The following WWOX variants were observed in gnomAD, a reference collection of about 807,000 sequenced individuals.
WWOX encodes WW domain containing oxidoreductase.
Under a neutral mutation model 46.2 loss-of-function variants are expected in WWOX, and 69 were observed. That is an observed-to-expected ratio of 1.49 (90% CI 1.23 to 1.82). WWOX has a LOEUF of 1.82. Ranked by LOEUF, WWOX falls within the 40% of genes most tolerant of loss-of-function variation. The pLI is 0.00. For missense variants in WWOX, 919 were observed against 542.6 expected, an observed-to-expected ratio of 1.69 and a Z score of -6.89; for synonymous variants, 359 against 202.6, an observed-to-expected ratio of 1.77 and a Z score of -6.56.
intron 8 of WWOX, among the ~76,000 whole-genome samples, chr16:79,005,471 A>C (rs532519273): frequency 1.3e-5 from 2 of 152,140 alleles, no homozygotes; most frequent in Non-Finnish European, 2.9e-5. Context: ...TGGAGGCTCA[A>C]ATTTGCAAGT....
chr16:78,644,747 G>A (rs1488224247), intron 8 of WWOX, among the ~76,000 whole-genome samples: 1 of 152,202 alleles, frequency 6.6e-6, no homozygotes, highest in African/African-American at 2.4e-5. Flanking sequence ...ACAGGCGTGA[G>A]CCACTGTGCC....
intron 4 of WWOX, 138 bp from the exon 5 acceptor site, chr16:78,164,045 C>T (rs2034885329): frequency 1.2e-6 from 1 of 804,622 alleles, no homozygotes; most frequent in East Asian, 2.7e-5. Flanking sequence ...CAGACATTTG[C>T]TTCTGTCCCC....
chr16:78,279,693 G>A (rs899094762), intron 5 of WWOX, among the ~76,000 whole-genome samples: 1 of 152,326 alleles, frequency 6.6e-6, no homozygotes, highest in African/African-American at 2.4e-5. Flanking sequence ...AGAGCTATTA[G>A]AATCCAGTGT....
chr16:78,494,916 G>C (rs1056369443), intron 8 of WWOX, among the ~76,000 whole-genome samples: 2 of 152,146 alleles, frequency 1.3e-5, no homozygotes, highest in Non-Finnish European at 2.9e-5. Context: ...AGAGAGGCTT[G>C]TTATTTCCTC....
chr16:78,279,383 C>T (rs1162020721), intron 5 of WWOX, among the ~76,000 whole-genome samples: 2 of 152,210 alleles, frequency 1.3e-5, no homozygotes, highest in South Asian at 2.1e-4. Flanking sequence ...AATGTGTCTA[C>T]TTTTGTCTCT....
chr16:78,822,300 C>T (rs939860004), intron 8 of WWOX, among the ~76,000 whole-genome samples: 2 of 152,132 alleles, frequency 1.3e-5, no homozygotes, highest in African/African-American at 4.8e-5. Context: ...TCAAGCCCAG[C>T]CTGGCTGACA....
intron 8 of WWOX, among the ~76,000 whole-genome samples, chr16:78,558,248 G>C (rs1339835114): frequency 2.0e-5 from 3 of 152,194 alleles, no homozygotes; most frequent in Non-Finnish European, 2.9e-5. Flanking sequence ...AAAATTTCTA[G>C]TGCCTGGAGT....
chr16:78,739,362 T>G (rs2049162916), intron 8 of WWOX, among the ~76,000 whole-genome samples: 2 of 152,190 alleles, frequency 1.3e-5, no homozygotes, highest in Non-Finnish European at 2.9e-5. Context: ...AGGATCATGT[T>G]TAGCCAACAA....
chr16:78,796,481 A>G (rs918584483), intron 8 of WWOX, among the ~76,000 whole-genome samples: 1 of 152,244 alleles, frequency 6.6e-6, no homozygotes, highest in African/African-American at 2.4e-5. Context: ...GGATTCTGGG[A>G]AATGTAGTCT....
At chr16:78,923,210 A>C (rs577884375) in intron 8 of WWOX, among the ~76,000 whole-genome samples, 1 of 151,788 alleles carries the variant, frequency 6.6e-6, no homozygotes, top group Non-Finnish European at 1.5e-5. Flanking sequence ...CAAACTCCCA[A>C]CCTCAGGTGA....
At chr16:78,205,815 A>ACCTT (rs2036371677) in intron 5 of WWOX, among the ~76,000 whole-genome samples, 1 of 148,854 alleles carries the variant, frequency 6.7e-6, no homozygotes, top group East Asian at 2.0e-4. Context: ...TTCTACCCAC[A>ACCTT]CCTTCCTTCC....
chr16:78,279,809 C>A (rs1489375826), intron 5 of WWOX, among the ~76,000 whole-genome samples: 1 of 152,220 alleles, frequency 6.6e-6, no homozygotes, highest in Admixed American at 6.5e-5. Context: ...TGCTAACCCT[C>A]CTGCCCAACC....
intron 4 of WWOX, among the ~76,000 whole-genome samples, chr16:78,125,024 C>A (rs892399792): frequency 6.6e-6 from 1 of 152,186 alleles, no homozygotes; most frequent in African/African-American, 2.4e-5. Context: ...AATCAAATTT[C>A]TTCTGTAGTT....
chr16:79,012,540 T>G (rs546976903), intron 8 of WWOX, among the ~76,000 whole-genome samples: 2 of 152,288 alleles, frequency 1.3e-5, no homozygotes, highest in South Asian at 4.1e-4. Flanking sequence ...GACGGACATA[T>G]GAATTTTTAA....
At chr16:78,527,406 G>C (rs1306005473) in intron 8 of WWOX, among the ~76,000 whole-genome samples, 1 of 149,024 alleles carries the variant, frequency 6.7e-6, no homozygotes, top group African/African-American at 2.5e-5. Context: ...AGATTTTCCT[G>C]CCTTGGGCCC....
At chr16:78,601,203 C>G (rs376052260) in intron 8 of WWOX, among the ~76,000 whole-genome samples, 8 of 152,310 alleles carry the variant, frequency 5.3e-5, no homozygotes, top group East Asian at 3.9e-4. Flanking sequence ...ACCAAGATTC[C>G]TTTCTTCTTC....
chr16:79,204,883 G>A (rs1021196421), intron 8 of WWOX: 1 of 152,172 alleles, frequency 6.6e-6, no homozygotes, highest in South Asian at 2.1e-4. Flanking sequence ...TCACAGAGGA[G>A]TAAGAGCCAC....
intron 8 of WWOX, among the ~76,000 whole-genome samples, chr16:78,765,015 G>C (rs1349647406): frequency 1.3e-5 from 2 of 152,216 alleles, no homozygotes; most frequent in African/African-American, 4.8e-5. Flanking sequence ...GGAAGGAACA[G>C]GACAAGAACC....
chr16:78,163,178 T>A (rs1412115868), intron 4 of WWOX, among the ~76,000 whole-genome samples: 1 of 152,190 alleles, frequency 6.6e-6, no homozygotes, highest in East Asian at 1.9e-4. Flanking sequence ...ATATGAGTAT[T>A]TGAAATAATC....
Sources: gnomAD v4.1 joint callset for allele counts (sites outside exome capture counted in the v4.1 genomes callset) on GRCh38, gnomAD v4.1.1 for gene constraint, MANE v1.5 for transcripts, NCBI Gene and HGNC (gene_info 2026-07-23, HGNC 2026-07-21) for gene names.